Variants in RAP1GAP observed in about 807,000 individuals in gnomAD.
RAP1GAP encodes the protein RAP1 GTPase activating protein.
RAP1GAP carries 35 observed loss-of-function variants against 87.2 expected under a neutral mutation model. The observed-to-expected ratio is 0.40, with a 90% CI of 0.31 to 0.53. The LOEUF (loss-of-function observed/expected upper bound fraction) is 0.53, where lower values mean the gene tolerates loss of function less well. Among genes scored for constraint, RAP1GAP ranks in the 20% least tolerant of loss-of-function variants. The pLI is 0.48. For synonymous variants in RAP1GAP, 375 were observed against 363.9 expected, an observed-to-expected ratio of 1.03 and a Z score of -0.35; for missense variants, 734 against 898.9, an observed-to-expected ratio of 0.82 and a Z score of 2.35.
rs759621585 is a variant in RAP1GAP, at chr1:21,617,951, A to G, written c.88T>C (p.Tyr30His). Residue 30 changes from tyrosine to histidine, a missense_variant, in exon 6 of 25, where the codon TAC becomes CAC. Physicochemically the swap from Tyr to His is moderately conservative, Grantham distance 83. Coordinates refer to ENST00000374765, the MANE Select transcript of RAP1GAP (RefSeq NM_002885.4). ...CTGAGTACCTCGTGCACGCTCGGGTATGGAATGTAGTCCTCCTCTGTCTGC... is the reference window on the plus strand; with the variant it reads ...CTGAGTACCTCGTGCACGCTCGGGTGTGGAATGTAGTCCTCCTCTGTCTGC... Reference protein sequence around the residue: ...PLKTEEDYIPYPSVHEVLGRE... With the variant: ...PLKTEEDYIPHPSVHEVLGRE... 6.2e-7 allele frequency: 1 copy of G among 1,614,096 alleles called. No individual in the cohort carries two copies. The highest frequency in any genetic ancestry group is 8.5e-7 in the Non-Finnish European group (1 of 1,179,984).
chr1:21,627,906 C>T (rs1398452007), intron 2 of RAP1GAP, among the ~76,000 whole-genome samples: 1 of 152,164 alleles, frequency 6.6e-6, no homozygotes, highest in Non-Finnish European at 1.5e-5. Context: ...GCATTTCAAG[C>T]CTGTGGCATC....
At chr1:21,616,628 G>A (rs535111896) in intron 7 of RAP1GAP, among the ~76,000 whole-genome samples, 24 of 152,154 alleles carry the variant, frequency 1.6e-4, no homozygotes, top group Admixed American at 3.3e-4. Flanking sequence ...ACACATTCCC[G>A]GCATGGGACC....
At chr1:21,638,274 A>T (rs2095121585) in intron 2 of RAP1GAP, among the ~76,000 whole-genome samples, 1 of 152,028 alleles carries the variant, frequency 6.6e-6, no homozygotes, top group South Asian at 2.1e-4. Context: ...CCTGACCAAC[A>T]TGGTGAAACC....
intron 2 of RAP1GAP, among the ~76,000 whole-genome samples, chr1:21,638,471 A>AAG (rs1491431136): frequency 1.3e-5 from 2 of 150,884 alleles, no homozygotes; most frequent in African/African-American, 4.9e-5. Context: ...AAAAAAAAAA[A>AAG]AGAGAGAGAG....
At chr1:21,631,282 G>C (rs897623305) in intron 2 of RAP1GAP, among the ~76,000 whole-genome samples, 5 of 152,192 alleles carry the variant, frequency 3.3e-5, no homozygotes, top group Non-Finnish European at 5.9e-5. Flanking sequence ...CGGGACATGG[G>C]GCGCTCTCCC....
rs899464287 is a variant in RAP1GAP, at chr1:21,603,527, G to A, written c.1429-614C>T. On this transcript the variant is annotated intron_variant, in intron 18 of 24. Coordinates refer to ENST00000374765, the MANE Select transcript of RAP1GAP (RefSeq NM_002885.4). This position sits in a 1 kb window ranked among gnomAD's most constrained non-coding sequence, Gnocchi z 6.0. Reference sequence around the variant, plus strand: ...GGGATGGCGCTCCATGCAGACCGGCGATATTGGGGGACGTGCGGCTGGGTG... The same window carrying A: ...GGGATGGCGCTCCATGCAGACCGGCAATATTGGGGGACGTGCGGCTGGGTG... 1.8e-5 allele frequency: 11 copies of A among 603,382 alleles called. No homozygotes were observed. Among genetic ancestry groups the A allele is most frequent in the Admixed American group, 2.9e-5 (1 of 34,910 alleles). The allele number at this position is 603,382 out of a possible 1,614,324, so 37.4% of individuals were successfully genotyped here. A position where few individuals can be genotyped will look rare whatever the true frequency, so the allele number is the denominator to read the frequency against.
chr1:21,627,409 C>CTT (rs755209828), intron 2 of RAP1GAP, among the ~76,000 whole-genome samples: 7,909 of 125,122 alleles, frequency 0.063, 320 homozygotes, highest in African/African-American at 0.072. Flanking sequence ...CTCCCTTCTT[C>CTT]TTTTTTTTTT....
chr1:21,619,116 C>G, intron 4 of RAP1GAP, 44 bp from the exon 5 acceptor site: 1 of 1,548,636 alleles, frequency 6.5e-7, no homozygotes, highest in Non-Finnish European at 8.8e-7. Context: ...AGGCCTGCCG[C>G]CAGGCGCTGC....
chr1:21,646,975 C>T (rs1324161013), intron 2 of RAP1GAP, among the ~76,000 whole-genome samples: 2 of 152,192 alleles, frequency 1.3e-5, no homozygotes, highest in East Asian at 1.9e-4. Context: ...CAAGTCCTAA[C>T]CTCTTAATCC....
chr1:21,617,614 G>A (rs1485181164), intron 6 of RAP1GAP, 123 bp from the exon 7 acceptor site: 1 of 1,149,440 alleles, frequency 8.7e-7, no homozygotes. Context: ...GGACAGGCCA[G>A]AGCCTGTGTG....
rs1297869222 is a variant in RAP1GAP at position 21,615,725 on chromosome 1, G to A, written c.291+1581C>T. 6.6e-6 allele frequency among the ~76,000 whole-genome samples: 1 copy of A among 152,168 alleles called. No homozygotes were observed. The highest frequency in any genetic ancestry group is 2.4e-5 in the African/African-American group (1 of 41,440). On this transcript the variant is annotated intron_variant, in intron 7 of 24. Coordinates refer to ENST00000374765, the MANE Select transcript of RAP1GAP (RefSeq NM_002885.4). The surrounding 1 kb of genome is among the most constrained non-coding windows in gnomAD (Gnocchi z 4.5). The stretch of plus-strand genomic sequence containing the variant: ...TGACCCTCCAGTCTGCACTTCTTCA[G>A]AGCCTGCTGCACTCGAGGTCCACTA...
Position 21,611,788 on chromosome 1 carries a change from T to A in RAP1GAP, c.641A>T (p.Asn214Ile), listed in dbSNP as rs74369395. ...CTCCACGAAAGCGGGACTTTCCTCA[T>A]TGGTGCTGAAGAGTTCTTCCTCGGA... ...QTSEEELFST[N>I]EESPAFVEFL... Residue 214 changes from asparagine (N) to isoleucine (I), a missense_variant, in exon 12 of 25, where the codon AAT becomes ATT. Transcript: ENST00000374765. 8 of 1,613,846 alleles carry A rather than the reference T, an allele frequency of 5.0e-6. No homozygotes were observed. In the East Asian group the frequency reaches 1.8e-4, roughly 36 times the overall value.
At chr1:21,637,136 CTTTTTTTTCTTTTTTTT>C (rs1448660715) in intron 2 of RAP1GAP, among the ~76,000 whole-genome samples, 3 of 144,192 alleles carry the variant, frequency 2.1e-5, no homozygotes, top group Non-Finnish European at 4.6e-5. Flanking sequence ...ATTTGAAATT[CTTTTTTTTCTTTTTTTT>C]TTTTTTTTTT....
intron 2 of RAP1GAP, among the ~76,000 whole-genome samples, chr1:21,640,650 G>T (rs1382960813): frequency 6.6e-6 from 1 of 152,218 alleles, no homozygotes; most frequent in Non-Finnish European, 1.5e-5. Flanking sequence ...TGGGGTGAGG[G>T]GAGAACAAGC....
rs755209828 is a variant in RAP1GAP at position 21,627,409 on chromosome 1, C to CTTTT, written c.-112-1016_-112-1013dup. Among the ~76,000 whole-genome samples the CTTTT allele has an allele frequency of 2.4e-4, 30 of 125,192 alleles. 1 individual carries two copies. Among genetic ancestry groups the CTTTT allele is most frequent in the Non-Finnish European group, 4.2e-4 (25 of 59,068 alleles). The allele number at this position is 125,192 out of a possible 152,430, so 82.1% of individuals were successfully genotyped here. ...GAGAAAGCTGTGAGCCTCCCTTCTT[C>CTTTT]TTTTTTTTTTTTTTTTTTTTTTATG... On this transcript the variant is annotated intron_variant, in intron 2 of 24. Transcript: ENST00000374765.
intron 1 of RAP1GAP, among the ~76,000 whole-genome samples, chr1:21,663,947 AC>A (rs2152391505): frequency 6.6e-6 from 1 of 152,232 alleles, no homozygotes; most frequent in East Asian, 1.9e-4. Flanking sequence ...ACAACAACAC[AC>A]TTGAGGCTCA....
chr1:21,611,327 G>A lies in RAP1GAP; in HGVS notation c.843+125C>T, dbSNP rs1431145483. 5 of 1,324,932 alleles carry A rather than the reference G, an allele frequency of 3.8e-6. No homozygotes were observed. The East Asian group carries it at 1.3e-4, about 34-fold the overall frequency. The allele number at this position is 1,324,932 out of a possible 1,614,324, so 82.1% of individuals were successfully genotyped here. On this transcript the variant is annotated intron_variant, in intron 13 of 24. Coordinates refer to ENST00000374765, the MANE Select transcript of RAP1GAP (RefSeq NM_002885.4). ...GACCCAACGAGACCCCACAAGTGGGGGCGCTGATCATTTCCATCTCCATCC... is the reference window on the plus strand; with the variant it reads ...GACCCAACGAGACCCCACAAGTGGGAGCGCTGATCATTTCCATCTCCATCC...
At chr1:21,625,151 G>T (rs1387165741) in intron 3 of RAP1GAP, among the ~76,000 whole-genome samples, 1 of 152,188 alleles carries the variant, frequency 6.6e-6, no homozygotes, top group Non-Finnish European at 1.5e-5. Context: ...CCCCATGAAG[G>T]TGGTGGCCCC....
chr1:21,656,991 G>C (rs1386872685), intron 1 of RAP1GAP, among the ~76,000 whole-genome samples: 1 of 152,232 alleles, frequency 6.6e-6, no homozygotes, highest in African/African-American at 2.4e-5. Flanking sequence ...CCCACTGTGT[G>C]GCTGACACTA....
Sources: allele counts gnomAD v4.1 joint callset (sites outside exome capture counted in the v4.1 genomes callset), GRCh38; gene constraint gnomAD v4.1.1; non-coding constraint Gnocchi (gnomAD v3.1); transcripts MANE v1.5; gene names NCBI Gene and HGNC (gene_info 2026-07-23, HGNC 2026-07-21).